The following CFAP251 variants were observed in gnomAD, a reference collection of about 807,000 sequenced individuals.
The protein encoded by CFAP251 is cilia- and flagella-associated protein 251.
A neutral mutation model predicts 126.7 loss-of-function variants in CFAP251; 93 were observed. That is an observed-to-expected ratio of 0.73 (90% CI 0.62 to 0.87). The LOEUF (loss-of-function observed/expected upper bound fraction) is 0.87, where lower values mean the gene tolerates loss of function less well. CFAP251 is among the 40% of genes least tolerant of loss of function. The probability of loss-of-function intolerance (pLI) is 0.00; values close to 1 mark genes in which losing one functional copy is unlikely to be tolerated. For synonymous variants in CFAP251, 503 were observed against 506.9 expected, an observed-to-expected ratio of 0.99 and a Z score of 0.10; for missense variants, 1,287 against 1,389.2, an observed-to-expected ratio of 0.93 and a Z score of 1.17.
intron 5 of CFAP251, among the ~76,000 whole-genome samples, chr12:121,936,940 G>C (rs71456720): frequency 6.6e-6 from 1 of 152,214 alleles, no homozygotes; most frequent in Non-Finnish European, 1.5e-5. Context: ...GCAGGAGGCA[G>C]GTGTGAGTGT....
At chr12:121,977,515 C>T (rs1882489722) in intron 19 of CFAP251, among the ~76,000 whole-genome samples, 1 of 151,912 alleles carries the variant, frequency 6.6e-6, no homozygotes, top group African/African-American at 2.4e-5. Context: ...CAAAAATTAG[C>T]TGGGCATGGT....
chr12:121,936,369 C>T (rs1256903531), intron 5 of CFAP251, among the ~76,000 whole-genome samples: 1 of 152,174 alleles, frequency 6.6e-6, no homozygotes, highest in Non-Finnish European at 1.5e-5. Flanking sequence ...ATGGCTTGAG[C>T]TTAGGTGTTT....
chr12:121,964,834 AGTTGCAGTGAGGCGG>A (rs960125830), intron 15 of CFAP251, among the ~76,000 whole-genome samples: 5 of 152,150 alleles, frequency 3.3e-5, no homozygotes, highest in African/African-American at 9.7e-5. Flanking sequence ...GGGAGGTGGA[AGTTGCAGTGAGGCGG>A]GATTTTACTA....
chr12:121,958,500 G>C lies in CFAP251; in HGVS notation c.1959G>C (p.Gln653His), dbSNP rs1489672253. ...TTTTTGAGAAGGGGCTTGGAGTCCA[G>C]AGTCTGACCTACAACCCCGAAGGTA... ...SRVFEKGLGV[Q>H]SLTYNPEGAL... The change falls in exon 12 of 22, where the codon CAG (glutamine) becomes CAC (histidine). Residue 653 changes from glutamine (Q) to histidine (H), a missense_variant. By Grantham distance (24) the Gln-to-His change is conservative (BLOSUM62 0). Coordinates refer to ENST00000288912, the MANE Select transcript of CFAP251 (RefSeq NM_144668.6). 6.2e-7 allele frequency: 1 copy of C among 1,614,220 alleles called. No homozygotes were observed. The highest frequency in any genetic ancestry group is 1.7e-5 in the Admixed American group (1 of 60,034).
intron 19 of CFAP251, among the ~76,000 whole-genome samples, chr12:121,979,437 G>A (rs1305284559): frequency 5.3e-5 from 8 of 152,222 alleles, no homozygotes; most frequent in African/African-American, 2.4e-5. Flanking sequence ...CCAGCCAATC[G>A]GAATCTCCAA....
Position 122,003,833 on chromosome 12 carries a change from T to C in CFAP251, c.*69T>C, listed in dbSNP as rs1004547151. ...TGCATGCACATGTGTGTGTTTTCCA[T>C]GAGGCACTGCTTTTTATGCATTTCC... On this transcript the variant is annotated 3_prime_UTR_variant, in exon 22 of 22. Transcript: ENST00000288912. 4.2e-6 allele frequency: 5 copies of C among 1,203,526 alleles called. No individual in the cohort carries two copies. The highest frequency in any genetic ancestry group is 1.6e-5 in the African/African-American group (1 of 62,660). 74.6% of individuals were successfully genotyped at this position (1,203,526 alleles called of 1,614,324 possible).
At chr12:121,973,950 GTT>G (rs1359880365) in intron 17 of CFAP251, among the ~76,000 whole-genome samples, 2 of 152,142 alleles carry the variant, frequency 1.3e-5, no homozygotes, top group Non-Finnish European at 2.9e-5. Context: ...GGCATGATTG[GTT>G]TTGAAATGTA....
At chr12:121,969,860 G>A (rs1882275434) in intron 17 of CFAP251, 1 of 985,398 alleles carries the variant, frequency 1.0e-6, no homozygotes, top group Non-Finnish European at 1.2e-6. Flanking sequence ...AGAAAAAAAG[G>A]CCTCTGCTTT....
intron 19 of CFAP251, chr12:121,997,749 T>C (rs1883052123): frequency 1.3e-5 from 2 of 151,486 alleles, no homozygotes; most frequent in Admixed American, 6.6e-5. Flanking sequence ...AGAAATACAA[T>C]AGTTTGTTTT....
At chr12:121,975,219 A>G in intron 17 of CFAP251, 25 bp from the exon 18 acceptor site, 1 of 1,605,096 alleles carries the variant, frequency 6.2e-7, no homozygotes, top group Middle Eastern at 1.8e-4. Flanking sequence ...GCTTTCTAAT[A>G]GAGACATTTC....
chr12:121,975,131 C>A, intron 17 of CFAP251, 113 bp from the exon 18 acceptor site: 2 of 782,866 alleles, frequency 2.6e-6, no homozygotes, highest in Non-Finnish European at 4.3e-6. Context: ...GAGACCCTAA[C>A]TGTATCTGTG....
At chr12:121,958,554 C>A in intron 12 of CFAP251, 32 bp downstream of exon 12, 2 of 1,612,176 alleles carry the variant, frequency 1.2e-6, no homozygotes, top group Non-Finnish European at 1.7e-6. Flanking sequence ...ACCATCGGTT[C>A]CACATGGACA....
chr12:121,948,432 C>T (rs1446598616), intron 7 of CFAP251: 1 of 152,056 alleles, frequency 6.6e-6, no homozygotes, highest in African/African-American at 2.4e-5. Flanking sequence ...ATCAGAAAAG[C>T]TTGTTATAGC....
At chr12:121,941,872 C>A (rs1881130992) in intron 5 of CFAP251, among the ~76,000 whole-genome samples, 1 of 152,138 alleles carries the variant, frequency 6.6e-6, no homozygotes, top group South Asian at 2.1e-4. Context: ...CAAACTGCTT[C>A]TAGAAAAGTG....
chr12:121,990,318 C>T (rs1458465698), intron 19 of CFAP251, among the ~76,000 whole-genome samples: 3 of 152,168 alleles, frequency 2.0e-5, no homozygotes, highest in Non-Finnish European at 4.4e-5. Context: ...CCGGGGCACC[C>T]TTCAGGCCTA....
Position 121,975,654 on chromosome 12 carries a change from G to A in CFAP251, c.2975G>A (p.Arg992Lys). Residue 992 changes from arginine (R) to lysine (K), a missense_variant, in exon 19 of 22, where the codon AGA (arginine) becomes AAA (lysine). Coordinates refer to ENST00000288912, the MANE Select transcript of CFAP251 (RefSeq NM_144668.6). The part of the protein sequence containing the change: ...ICLSELPFVM[R>K]AIGFYPSEEK... ...CTGTCAGAGCTTCCTTTTGTCATGA[G>A]AGCAATTGGCTTTTACCCATCTGAA... 6.3e-7 allele frequency: 1 copy of A among 1,595,906 alleles called. No homozygotes were observed. Among genetic ancestry groups the A allele is most frequent in the Non-Finnish European group, 8.5e-7 (1 of 1,174,648 alleles).
At chr12:121,991,875 C>A (rs538921746) in intron 19 of CFAP251, among the ~76,000 whole-genome samples, 95 of 152,188 alleles carry the variant, frequency 6.2e-4, no homozygotes, top group African/African-American at 2.2e-3. Flanking sequence ...CGCCTGTAGT[C>A]CCAGCTACTT....
chr12:121,967,784 G>A (rs564425400), intron 16 of CFAP251, among the ~76,000 whole-genome samples: 1 of 152,356 alleles, frequency 6.6e-6, no homozygotes, highest in South Asian at 2.1e-4. Context: ...AGGGAGGAAA[G>A]CTTCCCTTCT....
chr12:122,000,874 G>C (rs1883132806), intron 20 of CFAP251, among the ~76,000 whole-genome samples: 1 of 151,738 alleles, frequency 6.6e-6, no homozygotes, highest in Admixed American at 6.6e-5. Context: ...ACAGTACCAT[G>C]GGACTCTAGA....
Sources: gnomAD v4.1 joint callset for allele counts (sites outside exome capture counted in the v4.1 genomes callset) on GRCh38, gnomAD v4.1.1 for gene constraint, MANE v1.5 for transcripts, NCBI Gene and HGNC (gene_info 2026-07-23, HGNC 2026-07-21) for gene names.